NDUFA10: variants seen among roughly 807,000 people sequenced by gnomAD.
NDUFA10 encodes the protein NADH dehydrogenase [ubiquinone] 1 alpha subcomplex subunit 10, mitochondrial.
In NDUFA10, 40 loss-of-function variants were observed where a neutral mutation model predicts 47.8. That is an observed-to-expected ratio of 0.84 (90% CI 0.65 to 1.09). The LOEUF (loss-of-function observed/expected upper bound fraction) is 1.09, where lower values mean the gene tolerates loss of function less well. Among genes scored for constraint, NDUFA10 ranks in the 50% least tolerant of loss-of-function variants. The probability of loss-of-function intolerance (pLI) is 0.00; values close to 1 mark genes in which losing one functional copy is unlikely to be tolerated. For missense variants in NDUFA10, 413 were observed against 451.1 expected, an observed-to-expected ratio of 0.92 and a Z score of 0.76; for synonymous variants, 183 against 172.2, an observed-to-expected ratio of 1.06 and a Z score of -0.49.
chr2:239,984,191 C>T (rs752097205), intron 9 of NDUFA10, among the ~76,000 whole-genome samples: 1 of 151,836 alleles, frequency 6.6e-6, no homozygotes, highest in African/African-American at 2.4e-5. Flanking sequence ...CAAGATCATG[C>T]CATTGCACTC....
chr2:239,899,471 GGGTGTGATGGAGA>G (rs1333662142), intron 4 of NDUFA10, among the ~76,000 whole-genome samples: 24 of 119,898 alleles, frequency 2.0e-4, no homozygotes, highest in Admixed American at 7.1e-4. Context: ...TGTGACGGAG[GGGTGTGATGGAGA>G]GGTGTGATGG....
chr2:239,977,671 G>T (rs1031603144), intron 9 of NDUFA10, among the ~76,000 whole-genome samples: 1 of 152,220 alleles, frequency 6.6e-6, no homozygotes, highest in African/African-American at 2.4e-5. Context: ...ACAAACTGCT[G>T]CTTTCACGCT....
In NDUFA10 at chr2:239,987,109, G is replaced by C. The variant is rs1340685565; in HGVS notation, c.999+2965C>G. On this transcript the variant is annotated intron_variant, in intron 9 of 9. Transcript: ENST00000252711. The surrounding 1 kb of genome is among the most constrained non-coding windows in gnomAD (Gnocchi z 4.8). The stretch of plus-strand genomic sequence containing the variant: ...CTGGATTGGCTATTCTTGCTCAGAA[G>C]AACATGGCTAGGATAAATGACTGCT... 6.6e-6 allele frequency among the ~76,000 whole-genome samples: 1 copy of C among 152,142 alleles called. No individual in the cohort carries two copies.
intron 3 of NDUFA10, among the ~76,000 whole-genome samples, chr2:240,020,100 C>T (rs1415935053): frequency 6.6e-6 from 1 of 151,974 alleles, no homozygotes; most frequent in East Asian, 1.9e-4. Context: ...CATGGACACA[C>T]ACTGCATCCG....
intron 4 of NDUFA10, chr2:240,017,748 T>C: frequency 7.6e-7 from 1 of 1,315,532 alleles, no homozygotes; most frequent in South Asian, 1.3e-5. Context: ...AGCTCACAGG[T>C]GGAGTACCGG....
intron 5 of NDUFA10, chr2:240,014,410 A>G (rs999636566): frequency 1.8e-5 from 7 of 389,076 alleles, no homozygotes; most frequent in Non-Finnish European, 2.9e-5. Flanking sequence ...TCATCAGAGA[A>G]CAGAAAGGTA....
Position 240,018,535 on chromosome 2 carries a change from T to C in NDUFA10, c.547+18A>G, listed in dbSNP as rs748355238. ...GTCGCACCACACACCCAGAAGTGGG[T>C]CTGCAATGCTGACTCACACTGCTTT... is the stretch of plus-strand genomic sequence containing the variant. On this transcript the variant is annotated intron_variant, in intron 4 of 9. Coordinates refer to ENST00000252711, the MANE Select transcript of NDUFA10 (RefSeq NM_004544.4). The C allele has an allele frequency of 4.6e-5, 74 of 1,614,168 alleles. 1 individual carries two copies. The South Asian group carries it at 6.1e-4, about 13-fold the overall frequency.
chr2:239,951,326 G>A (rs1024013659), intron 4 of NDUFA10, among the ~76,000 whole-genome samples: 6 of 152,232 alleles, frequency 3.9e-5, no homozygotes, highest in African/African-American at 1.2e-4. Context: ...TCAGCCACCC[G>A]TGGGTTACAG....
At chr2:239,961,284 T>C in intron 9 of NDUFA10, 98 bp from the exon 10 acceptor site, 1 of 1,591,838 alleles carries the variant, frequency 6.3e-7, no homozygotes, top group South Asian at 1.1e-5. Context: ...CTGTACTTCA[T>C]GAGTTCCTTC....
chr2:240,007,155 C>T (rs1488821937), intron 7 of NDUFA10, among the ~76,000 whole-genome samples, 161 bp downstream of exon 7: 1 of 152,084 alleles, frequency 6.6e-6, no homozygotes, highest in Admixed American at 6.5e-5. Context: ...ACCTCATGGC[C>T]AGGGGAGTGT....
intron 9 of NDUFA10, among the ~76,000 whole-genome samples, chr2:239,971,438 A>G (rs1301507466): frequency 6.6e-6 from 1 of 152,228 alleles, no homozygotes; most frequent in Non-Finnish European, 1.5e-5. Context: ...CTGCCATGAA[A>G]TAATGCCCCT....
intron 8 of NDUFA10, among the ~76,000 whole-genome samples, chr2:239,995,182 A>G (rs1250353605): frequency 6.6e-6 from 1 of 152,088 alleles, no homozygotes; most frequent in Non-Finnish European, 1.5e-5. Context: ...GCTGATACAT[A>G]AGAACTGCTG....
At chr2:239,904,856 G>A (rs1229100001) in intron 4 of NDUFA10, among the ~76,000 whole-genome samples, 4 of 152,166 alleles carry the variant, frequency 2.6e-5, no homozygotes, top group African/African-American at 7.2e-5. Flanking sequence ...CTCCTGCCTC[G>A]TCCAGTGTCT....
rs1693652256 is a variant in NDUFA10, at chr2:239,906,196, C to T, written c.295-10882G>A. Among the ~76,000 whole-genome samples, 1 of 152,162 alleles carries T rather than the reference C, an allele frequency of 6.6e-6. No individual in the cohort carries two copies. The highest frequency in any genetic ancestry group is 2.1e-4 in the South Asian group (1 of 4,826). ...CAGCACACCTTTTAACAAGAACCCCCGGCCCTCCAGGTGGTTGGAAATATT... is the reference window on the plus strand; with the variant it reads ...CAGCACACCTTTTAACAAGAACCCCTGGCCCTCCAGGTGGTTGGAAATATT... On this transcript the variant is annotated intron_variant, in intron 4 of 5. Coordinates refer to the NDUFA10 transcript ENST00000419408. This position sits in a 1 kb window ranked among gnomAD's most constrained non-coding sequence, Gnocchi z 4.3.
Position 239,945,845 on chromosome 2 carries a change from AG to A in NDUFA10, c.294+44228del, listed in dbSNP as rs5839822. On this transcript the variant is annotated intron_variant, in intron 4 of 5. Coordinates refer to the NDUFA10 transcript ENST00000419408. The surrounding 1 kb of genome is among the most constrained non-coding windows in gnomAD (Gnocchi z 4.6). ...CCGTCCCCAGGCTTCAAGGGCCCAC[AG>A]GGCTCCGGGACTGCAAGCCAGAAGC... Among the ~76,000 whole-genome samples the A allele has an allele frequency of 0.57, 86,406 of 151,918 alleles. 24,700 individuals carry two copies. Among genetic ancestry groups the A allele is most frequent in the East Asian group, 0.67 (3,446 of 5,120 alleles).
chr2:239,997,207 A>T (rs1440602141), intron 8 of NDUFA10, among the ~76,000 whole-genome samples: 1 of 152,140 alleles, frequency 6.6e-6, no homozygotes, highest in Non-Finnish European at 1.5e-5. Context: ...TCTATAGAAA[A>T]AGAACAAGTG....
intron 7 of NDUFA10, 33 bp from the exon 8 acceptor site, chr2:240,005,328 A>T: frequency 6.5e-7 from 1 of 1,547,582 alleles, no homozygotes. Flanking sequence ...TTAAACAGAG[A>T]ACCCCATTTT....
rs1265865789 is a variant in NDUFA10, at chr2:239,899,129, AGGTGTGATGGAGG to A, written c.295-3828_295-3816del. ...GGTGTGACGGAGGGGTGTGATGGAG[AGGTGTGATGGAGG>A]GGTGTGATGGAGGGGAGTCATGGAG... is the stretch of plus-strand genomic sequence containing the variant. On this transcript the variant is annotated intron_variant, in intron 4 of 5. Transcript: ENST00000419408. 1.2e-3 allele frequency among the ~76,000 whole-genome samples: 3 copies of A among 2,436 alleles called. 1 individual carries two copies. The highest frequency in any genetic ancestry group is 2.6e-3 in the Non-Finnish European group (3 of 1,166). The allele number at this position is 2,436 out of a possible 152,430, so 1.6% of individuals were successfully genotyped here.
intron 8 of NDUFA10, 57 bp downstream of exon 8, chr2:240,005,153 T>A (rs1345809875): frequency 2.1e-6 from 3 of 1,423,516 alleles, no homozygotes; most frequent in Non-Finnish European, 3.0e-6. Context: ...TCCCTAAGTT[T>A]CCCCATCATG....
Sources: gnomAD v4.1 joint callset for allele counts (sites outside exome capture counted in the v4.1 genomes callset) on GRCh38, gnomAD v4.1.1 for gene constraint, Gnocchi (gnomAD v3.1) non-coding constraint, MANE v1.5 for transcripts, NCBI Gene and HGNC (gene_info 2026-07-23, HGNC 2026-07-21) for gene names.